Variants in PRSS23 observed in about 807,000 individuals in gnomAD.
PRSS23 encodes the protein serine protease 23, also known as protease, serine 23.
Under a neutral mutation model 34.7 loss-of-function variants are expected in PRSS23, and 25 were observed. The ratio of observed to expected loss-of-function variants is 0.72; its 90% CI spans 0.53 to 1.01. PRSS23 has a LOEUF of 1.01. PRSS23 is among the 50% of genes least tolerant of loss of function. The pLI is 0.00. For synonymous variants in PRSS23, 176 were observed against 186.6 expected (o/e 0.94, Z 0.46); for missense variants, 445 against 475.6 (o/e 0.94, Z 0.60).
chr11:86,912,370 G>C (rs1482013596), intron 2 of PRSS23: 1 of 149,982 alleles, frequency 6.7e-6, no homozygotes, highest in African/African-American at 2.5e-5. Context: ...AATGTCTTCT[G>C]CCCCATTTTC....
chr11:86,878,233 C>CCTCCCTCTCCCTCATCTCCTT, intron 2 of PRSS23, among the ~76,000 whole-genome samples: 1 of 84,798 alleles, frequency 1.2e-5, no homozygotes, highest in Non-Finnish European at 2.1e-5. Flanking sequence ...TACCCCTCCC[C>CCTCCCTCTCCCTCATCTCCTT]CTCCCTCTCC....
chr11:86,858,189 T>C (rs1178018707), intron 2 of PRSS23, among the ~76,000 whole-genome samples: 3 of 150,654 alleles, frequency 2.0e-5, no homozygotes, highest in South Asian at 2.1e-4. Context: ...ATGGTAGGGG[T>C]TGTACACCTT....
At chr11:86,801,543 C>T (rs901428439) in intron 1 of PRSS23, among the ~76,000 whole-genome samples, 1 of 152,190 alleles carries the variant, frequency 6.6e-6, no homozygotes, top group African/African-American at 2.4e-5. Context: ...TTTGAGGGCT[C>T]CCTGTGCACT....
intron 1 of PRSS23, among the ~76,000 whole-genome samples, chr11:86,791,536 T>G (rs1590862498): frequency 6.6e-6 from 1 of 152,370 alleles, no homozygotes; most frequent in African/African-American, 2.4e-5. Flanking sequence ...CCATTTCCAG[T>G]GATGGCTGTG....
intron 2 of PRSS23, among the ~76,000 whole-genome samples, chr11:86,831,305 T>C (rs1260129381): frequency 6.6e-6 from 1 of 151,832 alleles, no homozygotes; most frequent in Non-Finnish European, 1.5e-5. Flanking sequence ...CCTAATGTCA[T>C]AGCGGGTTTA....
chr11:86,927,149 G>A (rs1365125814), intron 2 of PRSS23, among the ~76,000 whole-genome samples: 3 of 152,194 alleles, frequency 2.0e-5, no homozygotes, highest in South Asian at 4.1e-4. Flanking sequence ...AGCTTTGCCA[G>A]GGGCCTGGAG....
At chr11:86,861,732 C>G (rs1399978089) in intron 2 of PRSS23, among the ~76,000 whole-genome samples, 1 of 151,700 alleles carries the variant, frequency 6.6e-6, no homozygotes, top group African/African-American at 2.4e-5. Flanking sequence ...CAGGGGTGTA[C>G]ACCCCCCTGT....
intron 1 of PRSS23, chr11:86,821,798 C>A (rs1353465100): frequency 2.4e-6 from 2 of 821,672 alleles, no homozygotes; most frequent in Non-Finnish European, 1.9e-6. Context: ...CAGCACGCTG[C>A]CCCCTCCGCC....
intron 2 of PRSS23, among the ~76,000 whole-genome samples, chr11:86,906,477 G>A (rs1231107729): frequency 3.9e-5 from 6 of 152,340 alleles, no homozygotes; most frequent in East Asian, 3.9e-4. Flanking sequence ...GGCTCGGCGA[G>A]GTTGTAGCTG....
intron 1 of PRSS23, among the ~76,000 whole-genome samples, chr11:86,816,712 C>G (rs1225990811): frequency 6.6e-6 from 1 of 152,256 alleles, no homozygotes. Context: ...ATTTCCAGAC[C>G]AGCTGAACAC....
At position 86,939,260 on chromosome 11, in the gene PRSS23, A is replaced by C. The variant is rs189973116; in HGVS notation, c.207-11956A>C. 3.2e-3 allele frequency: 814 copies of C among 254,690 alleles called. 12 individuals are homozygous for C. Among genetic ancestry groups the C allele is most frequent in the African/African-American group, 0.018 (778 of 43,874 alleles). The allele number at this position is 254,690 out of a possible 1,614,324, so 15.8% of individuals were successfully genotyped here. On this transcript the variant is annotated intron_variant, in intron 2 of 2. Coordinates refer to the PRSS23 transcript ENST00000533902. ...AAAATTCTAATTACAGGGACACTGC[A>C]TTGAGTCTGTCCTAAAGTTGTTCTG...
At chr11:86,887,140 T>C (rs1238414024) in intron 2 of PRSS23, among the ~76,000 whole-genome samples, 1 of 152,126 alleles carries the variant, frequency 6.6e-6, no homozygotes, top group Non-Finnish European at 1.5e-5. Flanking sequence ...AAGGTAGATA[T>C]CAAATACAGA....
chr11:86,800,645 G>A lies in PRSS23; in HGVS notation c.-20G>A. ...GAGCCGCGGCCCGGGCGGGCTGCTC[G>A]GCGCGGGTGAGTGCGGGCACCGACT... is the stretch of plus-strand genomic sequence containing the variant. On this transcript the variant is annotated 5_prime_UTR_variant, in exon 1 of 2. Transcript: ENST00000280258. 1 of 985,184 alleles carries A rather than the reference G, an allele frequency of 1.0e-6. No individual in the cohort carries two copies. 61.0% of individuals were successfully genotyped at this position (985,184 alleles called of 1,614,324 possible). A position where few individuals can be genotyped will look rare whatever the true frequency, so the allele number is the denominator to read the frequency against.
chr11:86,795,297 A>G (rs1590863745), intron 1 of PRSS23, among the ~76,000 whole-genome samples: 1 of 152,200 alleles, frequency 6.6e-6, no homozygotes, highest in African/African-American at 2.4e-5. Flanking sequence ...GCTCGATGCT[A>G]TGGGTTTTGT....
At chr11:86,948,229 G>C (rs1031871214) in intron 2 of PRSS23, 1 of 152,134 alleles carries the variant, frequency 6.6e-6, no homozygotes, top group African/African-American at 2.4e-5. Context: ...TTATGGAATG[G>C]AGACAGTGAA....
intron 1 of PRSS23, among the ~76,000 whole-genome samples, chr11:86,820,070 A>C (rs1408535428): frequency 6.6e-6 from 1 of 152,228 alleles, no homozygotes; most frequent in Non-Finnish European, 1.5e-5. Flanking sequence ...ATTATTGCAA[A>C]TAATCTCCCA....
intron 1 of PRSS23, among the ~76,000 whole-genome samples, chr11:86,795,346 C>T (rs1414488063): frequency 6.6e-6 from 1 of 152,156 alleles, no homozygotes; most frequent in Non-Finnish European, 1.5e-5. Flanking sequence ...ACCCCTAAAT[C>T]AGTCTCATTG....
At chr11:86,943,626 A>AAAAAAT (rs1555084428) in intron 2 of PRSS23, among the ~76,000 whole-genome samples, 1 of 151,770 alleles carries the variant, frequency 6.6e-6, no homozygotes, top group African/African-American at 2.4e-5. Context: ...TCCATCTCAA[A>AAAAAAT]AAAATAAAAT....
At chr11:86,893,193 C>T (rs10898550) in intron 2 of PRSS23, among the ~76,000 whole-genome samples, 28,181 of 152,086 alleles carry the variant, frequency 0.19, 3,202 homozygotes, top group African/African-American at 0.33. Flanking sequence ...AAAGCATTCT[C>T]CCCTAGAGCT....
Sources: gnomAD v4.1 joint callset for allele counts (sites outside exome capture counted in the v4.1 genomes callset) on GRCh38, gnomAD v4.1.1 for gene constraint, MANE v1.5 for transcripts, NCBI Gene and HGNC (gene_info 2026-07-23, HGNC 2026-07-21) for gene names.